The following TTC27 variants were observed in gnomAD, a reference collection of about 807,000 sequenced individuals.
The protein encoded by TTC27 is tetratricopeptide repeat protein 27.
In TTC27, 79 loss-of-function variants were observed where a neutral mutation model predicts 115.9. The observed-to-expected ratio is 0.68, with a 90% CI of 0.57 to 0.82. The LOEUF (loss-of-function observed/expected upper bound fraction) is 0.82. Among genes scored for constraint, TTC27 ranks in the 40% least tolerant of loss-of-function variants. The pLI is 0.00. For synonymous variants in TTC27, 401 were observed against 356.0 expected (o/e 1.13, Z -1.42); for missense variants, 1,054 against 993.1 (o/e 1.06, Z -0.82).
intron 16 of TTC27, among the ~76,000 whole-genome samples, chr2:32,808,907 G>A (rs1671226370): frequency 6.6e-6 from 1 of 152,194 alleles, no homozygotes; most frequent in Non-Finnish European, 1.5e-5. Flanking sequence ...GAAACAAGCA[G>A]TACACATTCA....
intron 9 of TTC27, among the ~76,000 whole-genome samples, chr2:32,688,280 T>G (rs896516932): frequency 6.6e-6 from 1 of 152,144 alleles, no homozygotes; most frequent in African/African-American, 2.4e-5. Flanking sequence ...TGAAGGTCAT[T>G]CATGAAGTTA....
In TTC27 at chr2:32,678,922, A is replaced by G; in HGVS notation, c.1119A>G (p.Ser373=). The G allele has an allele frequency of 1.2e-6, 2 of 1,612,524 alleles. No individual in the cohort carries two copies. Among genetic ancestry groups the G allele is most frequent in the Non-Finnish European group, 1.7e-6 (2 of 1,178,836 alleles). The change falls in exon 9 of 20, where the codon TCA becomes TCG. Residue 373 remains serine, a splice_region_variant and synonymous_variant. Coordinates refer to ENST00000317907, the MANE Select transcript of TTC27 (RefSeq NM_017735.5). ...LTEVELLAFT[S]CLLSQPKFWA... ...AAGTGGAGCTTCTGGCATTTACATC[A>G]GTGAGTAATGTCTTTTTCTCTTCCA...
chr2:32,759,770 C>G (rs936800905), intron 13 of TTC27, among the ~76,000 whole-genome samples: 16 of 152,154 alleles, frequency 1.1e-4, no homozygotes, highest in Admixed American at 9.2e-4. Context: ...CATTTACTTT[C>G]TGTCTTATGA....
chr2:32,732,890 A>G (rs1396672560), intron 10 of TTC27, among the ~76,000 whole-genome samples: 1 of 152,256 alleles, frequency 6.6e-6, no homozygotes, highest in Non-Finnish European at 1.5e-5. Flanking sequence ...TGAGTACTGC[A>G]TTGTAGAAAA....
chr2:32,806,178 T>C (rs1250621631), intron 16 of TTC27, among the ~76,000 whole-genome samples: 3 of 152,228 alleles, frequency 2.0e-5, no homozygotes, highest in Non-Finnish European at 4.4e-5. Context: ...GATAGGTTAA[T>C]TACTTATAAC....
At chr2:32,686,299 A>T (rs964600088) in intron 9 of TTC27, among the ~76,000 whole-genome samples, 1 of 149,650 alleles carries the variant, frequency 6.7e-6, no homozygotes, top group Non-Finnish European at 1.5e-5. Context: ...CCCCATAGGC[A>T]TTTTTTTTTT....
intron 9 of TTC27, among the ~76,000 whole-genome samples, chr2:32,685,137 C>T (rs1233520002): frequency 6.7e-6 from 1 of 149,612 alleles, no homozygotes; most frequent in Non-Finnish European, 1.5e-5. Flanking sequence ...TCAAGTGATT[C>T]TCCTGCCTCA....
rs1249697342 is a variant in TTC27, at chr2:32,640,324, A to G, written c.451A>G (p.Ile151Val). 1.2e-6 allele frequency: 2 copies of G among 1,614,152 alleles called. No homozygotes were observed. Among genetic ancestry groups the G allele is most frequent in the Non-Finnish European group, 1.7e-6 (2 of 1,180,012 alleles). The change falls in exon 4 of 20, where the codon ATC (isoleucine) becomes GTC (valine). Residue 151 changes from isoleucine to valine, a missense_variant. Ile to Val is a conservative substitution (Grantham distance 29, BLOSUM62 3). Transcript: ENST00000317907. ...LSLLTLDGES[I>V]YSLTSKPILL... is the part of the protein sequence containing the mutation. ...CCTGCTCACTCTAGATGGTGAATCA[A>G]TCTACAGCCTGACCTCGAAGCCTAT...
intron 18 of TTC27, among the ~76,000 whole-genome samples, chr2:32,813,744 C>T (rs1401940107): frequency 6.6e-6 from 1 of 152,124 alleles, no homozygotes; most frequent in Non-Finnish European, 1.5e-5. Context: ...TAGAAATTAG[C>T]TTGGTAGTTG....
chr2:32,779,869 T>C (rs1670116756), intron 14 of TTC27, among the ~76,000 whole-genome samples: 1 of 152,222 alleles, frequency 6.6e-6, no homozygotes, highest in Non-Finnish European at 1.5e-5. Flanking sequence ...CATGTAGATA[T>C]CCAGTTGTCT....
At chr2:32,686,608 G>A (rs1470680459) in intron 9 of TTC27, among the ~76,000 whole-genome samples, 6 of 151,944 alleles carry the variant, frequency 3.9e-5, no homozygotes, top group South Asian at 2.1e-4. Flanking sequence ...TGATCCGCCC[G>A]CCTCAGCCTC....
chr2:32,650,155 T>C lies in TTC27; in HGVS notation c.562T>C (p.Cys188Arg). 1 of 1,613,852 alleles carries C rather than the reference T, an allele frequency of 6.2e-7. No homozygotes were observed. The highest frequency in any genetic ancestry group is 8.5e-7 in the Non-Finnish European group (1 of 1,179,806). ...GAGCTTGCCATGGTGGACTTTGAGA[T>C]GTGTGAATATTCATCAGCATTTGCT... ...IQSLPWWTLR[C>R]VNIHQHLLEE... The change falls in exon 5 of 20, where the codon TGT (cysteine) becomes CGT (arginine). Residue 188 changes from cysteine to arginine, a missense_variant. Physicochemically the swap from Cys to Arg is radical, Grantham distance 180. Transcript: ENST00000317907.
rs756034879 is a variant in TTC27, at chr2:32,787,057, A to C, written c.1906A>C (p.Ile636Leu). 3 of 1,614,038 alleles carry C rather than the reference A, an allele frequency of 1.9e-6. No individual in the cohort carries two copies. The highest frequency in any genetic ancestry group is 2.5e-6 in the Non-Finnish European group (3 of 1,180,016). Residue 636 changes from isoleucine to leucine, a missense_variant, in exon 16 of 20, where the codon ATC (isoleucine) becomes CTC (leucine). Coordinates refer to ENST00000317907, the MANE Select transcript of TTC27 (RefSeq NM_017735.5). ...YEHWQIWENY[I>L]LTSTDVGEFS... The stretch of plus-strand genomic sequence containing the variant: ...ACACTGGCAGATTTGGGAAAACTAC[A>C]TCCTCACCAGCACTGACGTTGGGGA...
At chr2:32,804,544 C>G (rs1313412470) in intron 16 of TTC27, among the ~76,000 whole-genome samples, 4 of 151,888 alleles carry the variant, frequency 2.6e-5, no homozygotes, top group Admixed American at 6.6e-5. Flanking sequence ...AAATACTATA[C>G]TTAAAGGGTA....
At chr2:32,759,123 A>G (rs1326533672) in intron 13 of TTC27, among the ~76,000 whole-genome samples, 1 of 152,244 alleles carries the variant, frequency 6.6e-6, no homozygotes, top group East Asian at 1.9e-4. Flanking sequence ...TTTTGTACTT[A>G]ATGATATTCA....
intron 10 of TTC27, among the ~76,000 whole-genome samples, chr2:32,733,366 A>C (rs147657842): frequency 2.6e-3 from 396 of 152,308 alleles, no homozygotes; most frequent in Non-Finnish European, 3.7e-3. Context: ...GAGTGAGAGA[A>C]CTTGCTCTCT....
At chr2:32,701,316 CT>C (rs1427198440) in intron 9 of TTC27, among the ~76,000 whole-genome samples, 1 of 152,200 alleles carries the variant, frequency 6.6e-6, no homozygotes, top group Non-Finnish European at 1.5e-5. Flanking sequence ...CATTACTCTA[CT>C]TTCTAATGTT....
chr2:32,789,597 C>G (rs1281405869), intron 16 of TTC27, among the ~76,000 whole-genome samples: 3 of 152,022 alleles, frequency 2.0e-5, no homozygotes, highest in African/African-American at 7.2e-5. Flanking sequence ...AAATCAAAAT[C>G]ATTGGAATTT....
At chr2:32,746,695 G>A (rs565087935) in intron 12 of TTC27, among the ~76,000 whole-genome samples, 3 of 152,060 alleles carry the variant, frequency 2.0e-5, no homozygotes, top group East Asian at 3.9e-4. Flanking sequence ...TTGCAGAAGT[G>A]ATGTTATGTA....
Sources: gnomAD v4.1 joint callset for allele counts (sites outside exome capture counted in the v4.1 genomes callset) on GRCh38, gnomAD v4.1.1 for gene constraint, MANE v1.5 for transcripts, NCBI Gene and HGNC (gene_info 2026-07-23, HGNC 2026-07-21) for gene names.